SBF2: variants seen among roughly 807,000 people sequenced by gnomAD.
The protein encoded by SBF2 is myotubularin-related protein 13.
Under a neutral mutation model 225.2 loss-of-function variants are expected in SBF2, and 112 were observed. The ratio of observed to expected loss-of-function variants is 0.50; its 90% confidence interval spans 0.43 to 0.58. The LOEUF is 0.58. Among genes scored for constraint, SBF2 ranks in the 20% least tolerant of loss-of-function variants. SBF2 has a pLI of 0.00. For missense variants in SBF2, 1,996 were observed against 2,206.2 expected, an observed-to-expected ratio of 0.90 and a Z score of 1.91; for synonymous variants, 763 against 773.3, an observed-to-expected ratio of 0.99 and a Z score of 0.22.
intron 28 of SBF2, chr11:9,828,315 C>A (rs1855184484): frequency 8.2e-7 from 1 of 1,222,242 alleles, no homozygotes; most frequent in Non-Finnish European, 1.0e-6. Context: ...GCATGTTTAA[C>A]TGCTGCCAAA....
intron 2 of SBF2, among the ~76,000 whole-genome samples, chr11:10,098,694 C>T (rs1379420184): frequency 1.3e-5 from 2 of 149,698 alleles, no homozygotes; most frequent in Non-Finnish European, 3.0e-5. Context: ...CACACACACA[C>T]ACACACACAC....
chr11:9,968,287 G>C, intron 14 of SBF2, 54 bp downstream of exon 14: 1 of 1,501,142 alleles, frequency 6.7e-7, no homozygotes, highest in Non-Finnish European at 9.3e-7. Context: ...TTCCTTTTTG[G>C]GTCTTACATC....
chr11:10,113,847 C>T (rs1309995685), intron 2 of SBF2, among the ~76,000 whole-genome samples: 1 of 150,462 alleles, frequency 6.6e-6, no homozygotes, highest in Non-Finnish European at 1.5e-5. Flanking sequence ...GGTTAGAGTT[C>T]CTTAAGATTT....
intron 1 of SBF2, among the ~76,000 whole-genome samples, chr11:10,260,610 G>A (rs1426401841): frequency 1.3e-5 from 2 of 151,552 alleles, no homozygotes; most frequent in Non-Finnish European, 2.9e-5. Flanking sequence ...CAGCTACTCA[G>A]GAGAATGGTG....
intron 2 of SBF2, among the ~76,000 whole-genome samples, chr11:10,122,243 C>G (rs1014741116): frequency 6.6e-6 from 1 of 152,114 alleles, no homozygotes. Flanking sequence ...AAAGTTACAG[C>G]TACAGTGTAT....
At chr11:9,874,497 A>G (rs1859052218) in intron 17 of SBF2, among the ~76,000 whole-genome samples, 1 of 152,236 alleles carries the variant, frequency 6.6e-6, no homozygotes, top group Non-Finnish European at 1.5e-5. Flanking sequence ...TTTCACTGAC[A>G]TTTTGACTAA....
intron 1 of SBF2, among the ~76,000 whole-genome samples, chr11:10,194,857 T>C (rs901753594): frequency 1.4e-5 from 2 of 147,372 alleles, no homozygotes; most frequent in African/African-American, 5.0e-5. Context: ...TAAAAAACAC[T>C]AGCCAGAGGC....
intron 17 of SBF2, among the ~76,000 whole-genome samples, chr11:9,863,050 A>G (rs1857894996): frequency 6.6e-6 from 1 of 151,982 alleles, no homozygotes; most frequent in Non-Finnish European, 1.5e-5. Context: ...ATGCAATTTT[A>G]TGAGATGTTT....
At chr11:9,870,836 T>C in intron 17 of SBF2, among the ~76,000 whole-genome samples, 1 of 151,880 alleles carries the variant, frequency 6.6e-6, no homozygotes, top group South Asian at 2.1e-4. Flanking sequence ...TAGCTGGGTG[T>C]GGTGGCGCAC....
Position 9,779,869 on chromosome 11 carries a change from T to C in SBF2, c.*549A>G, listed in dbSNP as rs966084921. ...TGCTACTGAACAATGACGTCTCTTG[T>C]TGTGAACCCCACTGGCAGAGCACGG... On this transcript the variant is annotated 3_prime_UTR_variant, in exon 40 of 40. Coordinates refer to ENST00000256190, the MANE Select transcript of SBF2 (RefSeq NM_030962.4). 1 of 189,242 alleles carries C rather than the reference T, an allele frequency of 5.3e-6. No homozygotes were observed. The highest frequency in any genetic ancestry group is 1.1e-4 in the East Asian group (1 of 8,706). The allele number at this position is 189,242 out of a possible 1,614,324, so 11.7% of individuals were successfully genotyped here.
intron 2 of SBF2, among the ~76,000 whole-genome samples, chr11:10,190,467 A>C (rs1407948303): frequency 6.6e-6 from 1 of 152,190 alleles, no homozygotes; most frequent in African/African-American, 2.4e-5. Context: ...TATTTTTAAA[A>C]TCCATCCGAA....
intron 1 of SBF2, among the ~76,000 whole-genome samples, chr11:10,256,560 C>T (rs1443956246): frequency 6.6e-6 from 1 of 152,186 alleles, no homozygotes; most frequent in East Asian, 1.9e-4. Flanking sequence ...CTTGAAGCCG[C>T]ATTAGTCAGA....
rs35374748 is a variant in SBF2, at chr11:9,809,544, A to ATT, written c.4156-544_4156-543dup. 1.8e-3 allele frequency among the ~76,000 whole-genome samples: 242 copies of ATT among 136,322 alleles called. 3 individuals are homozygous for ATT. Among genetic ancestry groups the ATT allele is most frequent in the African/African-American group, 3.6e-3 (131 of 36,594 alleles). The allele number at this position is 136,322 out of a possible 152,430, so 89.4% of individuals were successfully genotyped here. On this transcript the variant is annotated intron_variant, in intron 30 of 39. Coordinates refer to ENST00000256190, the MANE Select transcript of SBF2 (RefSeq NM_030962.4). ...TGATGTAGTAAGTTTTGTTTCAGAC[A>ATT]TTTTTTTTTTTTTTTTTTGAGACAA...
At chr11:10,142,450 C>T (rs561507658) in intron 2 of SBF2, among the ~76,000 whole-genome samples, 94 of 152,288 alleles carry the variant, frequency 6.2e-4, no homozygotes, top group African/African-American at 2.2e-3. Flanking sequence ...AATAACCTTG[C>T]TTTTCAAGAT....
At chr11:9,896,218 G>A (rs1861242669) in intron 16 of SBF2, among the ~76,000 whole-genome samples, 1 of 152,184 alleles carries the variant, frequency 6.6e-6, no homozygotes, top group South Asian at 2.1e-4. Flanking sequence ...AAAACTGTGT[G>A]TGAAGCACAT....
chr11:9,985,915 C>T (rs11042581), intron 13 of SBF2, among the ~76,000 whole-genome samples: 79,401 of 151,956 alleles, frequency 0.52, 21,259 homozygotes, highest in Admixed American at 0.62. Context: ...ATTTAAACTA[C>T]ATCTTGGAAC....
At chr11:10,132,080 G>T (rs892726958) in intron 2 of SBF2, among the ~76,000 whole-genome samples, 12 of 152,058 alleles carry the variant, frequency 7.9e-5, no homozygotes, top group Non-Finnish European at 1.8e-4. Context: ...TTTTGTCTAT[G>T]GATATCCAAT....
At chr11:10,274,794 A>C (rs1316482734) in intron 1 of SBF2, among the ~76,000 whole-genome samples, 3 of 152,084 alleles carry the variant, frequency 2.0e-5, no homozygotes, top group Non-Finnish European at 4.4e-5. Context: ...TTTCTGTTCA[A>C]GTACCTAGAA....
chr11:9,864,917 A>AT (rs1042716865), intron 17 of SBF2, among the ~76,000 whole-genome samples: 63 of 149,130 alleles, frequency 4.2e-4, no homozygotes, highest in South Asian at 1.1e-3. Context: ...GTTTTTATTT[A>AT]TTTTTTTTTT....
Sources: allele counts gnomAD v4.1 joint callset (sites outside exome capture counted in the v4.1 genomes callset), GRCh38; gene constraint gnomAD v4.1.1; transcripts MANE v1.5; gene names NCBI Gene and HGNC (gene_info 2026-07-23, HGNC 2026-07-21).